TMEM138: variants seen among roughly 807,000 people sequenced by gnomAD.
TMEM138 encodes the protein transmembrane protein 138.
TMEM138 carries 9 observed loss-of-function variants against 18.1 expected under a neutral mutation model. The ratio of observed to expected loss-of-function variants is 0.50; its 90% confidence interval spans 0.30 to 0.87. The LOEUF (loss-of-function observed/expected upper bound fraction) is 0.87, where lower values mean the gene tolerates loss of function less well. Ranked by LOEUF, TMEM138 falls within the 40% of genes least tolerant of loss-of-function variation. TMEM138 has a pLI of 0.06. For synonymous variants in TMEM138, 79 were observed against 74.8 expected (o/e 1.06, Z -0.29); for missense variants, 189 against 190.6 (o/e 0.99, Z 0.05).
At chr11:61,366,278 T>G (rs1858148622) in intron 3 of TMEM138, 62 bp downstream of exon 3, 10 of 1,547,872 alleles carry the variant, frequency 6.5e-6, no homozygotes, top group Non-Finnish European at 8.7e-6. Flanking sequence ...GGGGTCTTAC[T>G]TTGTTACCAA....
At chr11:61,376,304 A>G (rs918158282), downstream of TMEM138, among the ~76,000 whole-genome samples, 40 of 152,188 alleles carry the variant, frequency 2.6e-4, no homozygotes, top group African/African-American at 8.7e-4. Context: ...AACTGAGATC[A>G]CGCCACTGCA....
chr11:61,367,658 TA>T (rs1858200687), intron 3 of TMEM138: 1 of 404,058 alleles, frequency 2.5e-6, no homozygotes, highest in South Asian at 2.8e-5. Context: ...AGATAATGAA[TA>T]TATCATTTCT....
chr11:61,363,282 T>C (rs1372588427), intron 1 of TMEM138: 1 of 152,106 alleles, frequency 6.6e-6, no homozygotes, highest in African/African-American at 2.4e-5. Context: ...ATATGTCCAA[T>C]AAGGTGGGAC....
downstream of TMEM138, among the ~76,000 whole-genome samples, chr11:61,371,323 A>G (rs529107568): frequency 6.6e-6 from 1 of 152,170 alleles, no homozygotes; most frequent in African/African-American, 2.4e-5. Flanking sequence ...CTGAGCCACC[A>G]TTCCCAGCCC....
chr11:61,375,703 T>C (rs919563225), downstream of TMEM138, among the ~76,000 whole-genome samples: 1 of 152,304 alleles, frequency 6.6e-6, no homozygotes, highest in East Asian at 1.9e-4. Context: ...CAGGACACAA[T>C]TGGAGAAACT....
chr11:61,366,066 C>G lies in TMEM138; in HGVS notation c.150C>G (p.Leu50=). Residue 50 remains leucine, a synonymous_variant, in exon 3 of 5, where the codon CTC becomes CTG. Coordinates refer to ENST00000278826, the MANE Select transcript of TMEM138 (RefSeq NM_016464.5). ...VLFIIQDIAV[L]FNIIIIFLMF... is the part of the protein sequence containing the mutation. Reference sequence around the variant, plus strand: ...ACAGCATCCAGGATATTGCAGTCCTCTTCAACATCATCATCATTTTCCTCA... The same window carrying G: ...ACAGCATCCAGGATATTGCAGTCCTGTTCAACATCATCATCATTTTCCTCA... 1 of 1,613,806 alleles carries G rather than the reference C, an allele frequency of 6.2e-7. No homozygotes were observed. The highest frequency in any genetic ancestry group is 8.5e-7 in the Non-Finnish European group (1 of 1,179,882).
chr11:61,364,162 C>G, intron 1 of TMEM138, 90 bp from the exon 2 acceptor site: 1 of 413,876 alleles, frequency 2.4e-6, no homozygotes. Flanking sequence ...TCCCATGCAA[C>G]TGGAGTGGTA....
intron 4 of TMEM138, 120 bp downstream of exon 4, chr11:61,368,118 A>C (rs779029207): frequency 1.3e-6 from 1 of 788,776 alleles, no homozygotes; most frequent in South Asian, 1.3e-5. Context: ...TGACAGCCAC[A>C]CCAGGAACAG....
At chr11:61,373,813 G>A (rs1021985780), downstream of TMEM138, among the ~76,000 whole-genome samples, 1 of 151,782 alleles carries the variant, frequency 6.6e-6, no homozygotes, top group Non-Finnish European at 1.5e-5. Flanking sequence ...AAAATTATGG[G>A]AGACTCCTAT....
At chr11:61,374,053 T>C (rs1858401957), downstream of TMEM138, among the ~76,000 whole-genome samples, 1 of 151,294 alleles carries the variant, frequency 6.6e-6, no homozygotes, top group Non-Finnish European at 1.5e-5. Context: ...ATGTTGGCCA[T>C]GCTGGTCTCA....
At position 61,364,352 on chromosome 11, in the gene TMEM138, TG is replaced by T. The variant is rs757321477; in HGVS notation, c.-36del. On this transcript the variant is annotated 5_prime_UTR_variant, in exon 2 of 5. Coordinates refer to ENST00000278826, the MANE Select transcript of TMEM138 (RefSeq NM_016464.5). ...GCCAGGAGCGGTTTTCTGGGAACTG[TG>T]GGATGTGCCCTTGGGGGCCCGAGAA... 6.2e-7 allele frequency: 1 copy of T among 1,609,766 alleles called. No homozygotes were observed. The highest frequency in any genetic ancestry group is 8.5e-7 in the Non-Finnish European group (1 of 1,177,256).
downstream of TMEM138, among the ~76,000 whole-genome samples, chr11:61,373,465 G>A (rs1858391579): frequency 6.6e-6 from 1 of 150,656 alleles, no homozygotes; most frequent in East Asian, 1.9e-4. Context: ...AGGGCTTATT[G>A]TTTGGAAAAT....
At chr11:61,368,286 G>A (rs112325968) in intron 4 of TMEM138, 2 of 533,002 alleles carry the variant, frequency 3.8e-6, no homozygotes, top group Admixed American at 2.7e-5. Flanking sequence ...GTGCTGTGGC[G>A]CTATCTCAGG....
At position 61,366,077 on chromosome 11, in the gene TMEM138, T is replaced by G; in HGVS notation, c.161T>G (p.Ile54Ser). 6.2e-7 allele frequency: 1 copy of G among 1,613,906 alleles called. No homozygotes were observed. The highest frequency in any genetic ancestry group is 8.5e-7 in the Non-Finnish European group (1 of 1,179,930). Residue 54 changes from isoleucine (I) to serine (S), a missense_variant, in exon 3 of 5, where the codon ATC becomes AGC. Physicochemically the swap from Ile to Ser is moderately radical, Grantham distance 142 (BLOSUM62 -2). Transcript: ENST00000278826. ...IQDIAVLFNI[I>S]IIFLMFFNTF... is the part of the protein sequence containing the mutation. ...GATATTGCAGTCCTCTTCAACATCA[T>G]CATCATTTTCCTCATGTTCTTCAAC...
At chr11:61,368,137 A>G (rs780089706) in intron 4 of TMEM138, 139 bp downstream of exon 4, 8 of 762,914 alleles carry the variant, frequency 1.0e-5, no homozygotes, top group African/African-American at 1.7e-5. Context: ...AGGAGGGATT[A>G]CTGCCCCTGC....
Position 61,366,205 on chromosome 11 carries a change from G to A in TMEM138, c.289G>A (p.Val97Ile), listed in dbSNP as rs755554848. ...CTTTGCCCTCAGCATCTCCCTTCAT[G>A]TCTGGGTCATGGTAAGAGTGGCAGT... is the stretch of plus-strand genomic sequence containing the variant. ...VYFALSISLH[V>I]WVMNLRWKNS... Residue 97 changes from valine to isoleucine, a missense_variant, in exon 3 of 5, where the codon GTC (valine) becomes ATC (isoleucine). Physicochemically the swap from Val to Ile is conservative, Grantham distance 29. Coordinates refer to ENST00000278826, the MANE Select transcript of TMEM138 (RefSeq NM_016464.5). 6 of 1,613,070 alleles carry A rather than the reference G, an allele frequency of 3.7e-6. No homozygotes were observed. Among genetic ancestry groups the A allele is most frequent in the Non-Finnish European group, 5.1e-6 (6 of 1,179,690 alleles).
At chr11:61,368,057 G>A (rs1170541283) in intron 4 of TMEM138, 59 bp downstream of exon 4, 1 of 1,192,192 alleles carries the variant, frequency 8.4e-7, no homozygotes, top group Non-Finnish European at 1.3e-6. Context: ...CTTTCAGTGA[G>A]GGCCTTGATG....
At chr11:61,366,323 C>T in intron 3 of TMEM138, 107 bp downstream of exon 3, 2 of 1,252,070 alleles carry the variant, frequency 1.6e-6, no homozygotes, top group East Asian at 2.7e-5. Flanking sequence ...AAGCAATTCT[C>T]CTGCTTCTGC....
At chr11:61,370,026 G>A (rs994253618), downstream of TMEM138, among the ~76,000 whole-genome samples, 6 of 152,176 alleles carry the variant, frequency 3.9e-5, no homozygotes, top group South Asian at 2.1e-4. Context: ...AGAATTTGCC[G>A]ACAAGGCTTC....
Sources: gnomAD v4.1 joint callset for allele counts (sites outside exome capture counted in the v4.1 genomes callset) on GRCh38, gnomAD v4.1.1 for gene constraint, MANE v1.5 for transcripts, NCBI Gene and HGNC (gene_info 2026-07-23, HGNC 2026-07-21) for gene names.